Variants in PTPRQ observed in about 807,000 individuals in gnomAD.
PTPRQ encodes protein tyrosine phosphatase receptor type Q.
PTPRQ carries 199 observed loss-of-function variants against 246.0 expected under a neutral mutation model. That is an observed-to-expected ratio of 0.81 (90% CI 0.72 to 0.91). PTPRQ has a LOEUF of 0.91. PTPRQ is among the 40% of genes least tolerant of loss of function. The probability of loss-of-function intolerance (pLI) is 0.00; values close to 1 mark genes in which losing one functional copy is unlikely to be tolerated. For missense variants in PTPRQ, 2,624 were observed against 2,528.4 expected (o/e 1.04, Z -0.81); for synonymous variants, 869 against 853.2 (o/e 1.02, Z -0.32).
intron 5 of PTPRQ, among the ~76,000 whole-genome samples, chr12:80,459,957 ATTG>A (rs1893102372): frequency 6.6e-6 from 1 of 152,204 alleles, no homozygotes; most frequent in Non-Finnish European, 1.5e-5. Context: ...GTAGACTGTC[ATTG>A]TTGTGCATAT....
chr12:80,478,587 G>A (rs1355217727), intron 8 of PTPRQ, among the ~76,000 whole-genome samples: 3 of 152,136 alleles, frequency 2.0e-5, no homozygotes, highest in East Asian at 1.9e-4. Flanking sequence ...TGAGCTACAG[G>A]AGGACATTCA....
chr12:80,522,428 C>G (rs933884919), intron 17 of PTPRQ, among the ~76,000 whole-genome samples: 14 of 152,222 alleles, frequency 9.2e-5, no homozygotes, highest in Admixed American at 2.6e-4. Context: ...AGAGGGCATC[C>G]CTGTCTTGTG....
intron 9 of PTPRQ, among the ~76,000 whole-genome samples, chr12:80,491,150 T>G (rs576419369): frequency 6.6e-6 from 1 of 152,110 alleles, no homozygotes; most frequent in Admixed American, 6.6e-5. Flanking sequence ...ATGTAATTGA[T>G]GGGATGTTAT....
chr12:80,555,348 A>G (rs1896614168), intron 25 of PTPRQ, among the ~76,000 whole-genome samples: 2 of 152,146 alleles, frequency 1.3e-5, no homozygotes, highest in Non-Finnish European at 2.9e-5. Context: ...CATGAGCCAC[A>G]CACCCAATCT....
At chr12:80,558,467 CTT>C (rs57046212) in intron 25 of PTPRQ, among the ~76,000 whole-genome samples, 4 of 122,884 alleles carry the variant, frequency 3.3e-5, no homozygotes, top group Admixed American at 8.6e-5. Context: ...TGCACCTGGC[CTT>C]TTTTTTTTTT....
At chr12:80,617,205 G>T (rs1898795955) in intron 30 of PTPRQ, among the ~76,000 whole-genome samples, 1 of 150,900 alleles carries the variant, frequency 6.6e-6, no homozygotes, top group African/African-American at 2.4e-5. Flanking sequence ...GAAAAATGGA[G>T]ATAATACTGG....
chr12:80,467,451 A>G lies in PTPRQ; in HGVS notation c.911-1259A>G, dbSNP rs563801515. Reference sequence around the variant, plus strand: ...AACCATTGTGGAAGTCAGTGTGGCGATTCCTCAGGGATCTAGAACTAGAAA... The same window carrying G: ...AACCATTGTGGAAGTCAGTGTGGCGGTTCCTCAGGGATCTAGAACTAGAAA... On this transcript the variant is annotated intron_variant, in intron 6 of 44. Transcript: ENST00000644991. Among the ~76,000 whole-genome samples the G allele has an allele frequency of 7.8e-3, 1,192 of 152,084 alleles. 13 individuals are homozygous for G. The highest frequency in any genetic ancestry group is 0.026 in the African/African-American group (1,096 of 41,520).
At chr12:80,473,048 C>CGT (rs1893697723) in intron 8 of PTPRQ, among the ~76,000 whole-genome samples, 1 of 22,004 alleles carries the variant, frequency 4.5e-5, no homozygotes, top group Non-Finnish European at 1.6e-4. Flanking sequence ...CACACACACG[C>CGT]ACACACACAC....
Position 80,612,856 on chromosome 12 carries a change from G to A in PTPRQ, c.4919-736G>A, listed in dbSNP as rs147717319. Among the ~76,000 whole-genome samples, 237 of 150,568 alleles carry A rather than the reference G, an allele frequency of 1.6e-3. 2 individuals carry two copies. Among genetic ancestry groups the A allele is most frequent in the African/African-American group, 5.4e-3 (225 of 41,334 alleles). On this transcript the variant is annotated intron_variant, in intron 28 of 44. Coordinates refer to ENST00000644991, the MANE Select transcript of PTPRQ (RefSeq NM_001145026.2). ...ACTACTCGGCAATAAAAAGAAGAAT[G>A]TACTATTAATACATGTAGTATCCAC...
intron 6 of PTPRQ, among the ~76,000 whole-genome samples, chr12:80,466,597 C>T (rs1044799567): frequency 2.4e-4 from 37 of 152,204 alleles, no homozygotes; most frequent in Non-Finnish European, 8.8e-5. Flanking sequence ...CACTACCTGA[C>T]TTTAAACTAT....
intron 43 of PTPRQ, among the ~76,000 whole-genome samples, chr12:80,675,704 G>A (rs934104276): frequency 3.3e-5 from 5 of 152,128 alleles, no homozygotes; most frequent in African/African-American, 1.2e-4. Flanking sequence ...CAATTTAGTA[G>A]TCAAAATATG....
chr12:80,517,996 C>A (rs1210537805), intron 17 of PTPRQ, among the ~76,000 whole-genome samples: 2 of 152,110 alleles, frequency 1.3e-5, no homozygotes, highest in Non-Finnish European at 2.9e-5. Flanking sequence ...TGGCTATATA[C>A]CCAGCAGTAG....
intron 35 of PTPRQ, among the ~76,000 whole-genome samples, chr12:80,644,565 G>T (rs969661518): frequency 2.6e-5 from 4 of 151,972 alleles, no homozygotes; most frequent in African/African-American, 9.7e-5. Flanking sequence ...TAGCACTCCT[G>T]AAATAGCATT....
At chr12:80,613,930 T>C (rs1898652492) in intron 29 of PTPRQ, 94 bp downstream of exon 29, 19 of 1,327,658 alleles carry the variant, frequency 1.4e-5, no homozygotes, top group Middle Eastern at 1.9e-4. Context: ...ACACATGACA[T>C]TTCCCATATC....
At chr12:80,545,498 C>G (rs1051015816) in intron 23 of PTPRQ, among the ~76,000 whole-genome samples, 1 of 151,960 alleles carries the variant, frequency 6.6e-6, no homozygotes, top group African/African-American at 2.4e-5. Flanking sequence ...AGATTATCTT[C>G]TCTTTCCATG....
rs1893018402 is a variant in PTPRQ at position 80,457,566 on chromosome 12, C to T, written c.391-9C>T. Reference sequence around the variant, plus strand: ...AATGTTTGAACACAATCCTTTTGGTCTGTTCTAGGTTGCTGCTGAAAACAG... The same window carrying T: ...AATGTTTGAACACAATCCTTTTGGTTTGTTCTAGGTTGCTGCTGAAAACAG... On this transcript the variant is annotated splice_polypyrimidine_tract_variant and intron_variant, in intron 3 of 44. Coordinates refer to ENST00000644991, the MANE Select transcript of PTPRQ (RefSeq NM_001145026.2). The T allele has an allele frequency of 5.0e-6, 2 of 400,132 alleles. No homozygotes were observed. Among genetic ancestry groups the T allele is most frequent in the Non-Finnish European group, 8.9e-6 (2 of 225,864 alleles). 24.8% of individuals were successfully genotyped at this position (400,132 alleles called of 1,614,324 possible). A position where few individuals can be genotyped will look rare whatever the true frequency, so the allele number is the denominator to read the frequency against.
intron 25 of PTPRQ, among the ~76,000 whole-genome samples, chr12:80,555,008 G>A (rs1472884121): frequency 6.6e-6 from 1 of 151,972 alleles, no homozygotes; most frequent in Non-Finnish European, 1.5e-5. Flanking sequence ...CCACCTCTCA[G>A]GTTCAAGCAA....
intron 35 of PTPRQ, among the ~76,000 whole-genome samples, chr12:80,637,310 G>T (rs532198766): frequency 6.6e-6 from 1 of 152,032 alleles, no homozygotes; most frequent in African/African-American, 2.4e-5. Flanking sequence ...ATAATTCAGG[G>T]TCTACTTTAT....
chr12:80,547,101 A>G (rs1000161916), intron 24 of PTPRQ: 3 of 165,226 alleles, frequency 1.8e-5, no homozygotes, highest in African/African-American at 7.2e-5. Context: ...TAAGAAGATT[A>G]GTTGTGACAT....
Sources: gnomAD v4.1 joint callset for allele counts (sites outside exome capture counted in the v4.1 genomes callset) on GRCh38, gnomAD v4.1.1 for gene constraint, MANE v1.5 for transcripts, NCBI Gene and HGNC (gene_info 2026-07-23, HGNC 2026-07-21) for gene names.